DIAPH2: variants seen among roughly 807,000 people sequenced by gnomAD.
The protein encoded by DIAPH2 is diaphanous related formin 2, also known as protein diaphanous homolog 2.
A neutral mutation model predicts 92.7 loss-of-function variants in DIAPH2; 35 were observed. That is an observed-to-expected ratio of 0.38 (90% CI 0.29 to 0.50). The LOEUF is 0.50. DIAPH2 is among the 20% of genes least tolerant of loss of function. The pLI, the probability that DIAPH2 is intolerant of heterozygous loss-of-function variation, is 0.94. For missense variants in DIAPH2, 701 were observed against 819.5 expected, an observed-to-expected ratio of 0.86 and a Z score of 1.77; for synonymous variants, 301 against 280.4, an observed-to-expected ratio of 1.07 and a Z score of -0.73.
intron 23 of DIAPH2, among the ~76,000 whole-genome samples, chrX:97,321,232 C>T (rs1262375479): frequency 1.9e-4 from 21 of 110,879 alleles, no homozygotes; most frequent in Admixed American, 1.7e-3. Flanking sequence ...CTTTATAACA[C>T]GGCTCATTTT....
At chrX:97,404,916 C>T (rs2069794310) in intron 25 of DIAPH2, among the ~76,000 whole-genome samples, 1 of 111,495 alleles carries the variant, frequency 9.0e-6, no homozygotes, top group Non-Finnish European at 1.9e-5. Flanking sequence ...GCAGATATAT[C>T]GATATTCTAG....
chrX:96,941,999 T>C lies in DIAPH2; in HGVS notation c.1326-19T>C. 1.1e-6 allele frequency: 1 copy of C among 925,331 alleles called. No homozygotes were observed. The highest frequency in any genetic ancestry group is 1.6e-6 in the Non-Finnish European group (1 of 640,006). 76.3% of individuals were successfully genotyped at this position (925,331 alleles called of 1,213,427 possible). On this transcript the variant is annotated intron_variant, in intron 12 of 26. Coordinates refer to ENST00000324765, the MANE Select transcript of DIAPH2 (RefSeq NM_006729.5). ...GCATGGTTAGAAAGGCATTCATGAG[T>C]ACTTTCTCTCCTTTTCAGGCCACAA...
chrX:97,511,043 G>GAAGAA (rs2070886959), intron 26 of DIAPH2, among the ~76,000 whole-genome samples: 1 of 106,684 alleles, frequency 9.4e-6, no homozygotes, highest in African/African-American at 3.4e-5. Flanking sequence ...CCAATTCTGT[G>GAAGAA]AAGAAAGTCA....
At chrX:97,331,904 A>G (rs2069005016) in intron 23 of DIAPH2, among the ~76,000 whole-genome samples, 1 of 111,518 alleles carries the variant, frequency 9.0e-6, no homozygotes, top group African/African-American at 3.3e-5. Context: ...AGTCTTTAAT[A>G]AGCAATTGGG....
At chrX:97,346,075 A>G (rs1311428573) in intron 23 of DIAPH2, among the ~76,000 whole-genome samples, 3 of 111,801 alleles carry the variant, frequency 2.7e-5, no homozygotes, top group African/African-American at 6.5e-5. Flanking sequence ...TGTTAAGATC[A>G]TTTATTCCTT....
chrX:96,823,893 A>G (rs1450495829), intron 4 of DIAPH2, among the ~76,000 whole-genome samples: 1 of 109,464 alleles, frequency 9.1e-6, no homozygotes, highest in Non-Finnish European at 1.9e-5. Context: ...GATATTCAAA[A>G]GGACAAGTAT....
At chrX:97,138,152 G>T (rs1250773093) in intron 21 of DIAPH2, among the ~76,000 whole-genome samples, 3 of 111,969 alleles carry the variant, frequency 2.7e-5, no homozygotes, top group African/African-American at 9.7e-5. Flanking sequence ...AGGCTCTCTG[G>T]CTGTGTGCTG....
chrX:97,499,124 T>C (rs1446189724), intron 26 of DIAPH2, among the ~76,000 whole-genome samples: 1 of 112,308 alleles, frequency 8.9e-6, no homozygotes, highest in African/African-American at 3.2e-5. Flanking sequence ...CCTGTATTGA[T>C]TTAAATGACA....
chrX:97,390,055 C>A (rs772458955), intron 25 of DIAPH2, among the ~76,000 whole-genome samples: 145 of 110,197 alleles, frequency 1.3e-3, no homozygotes, highest in African/African-American at 4.4e-3. Context: ...GAACTATAAT[C>A]TTGTAACAGG....
chrX:96,756,885 C>T (rs1343039150), intron 3 of DIAPH2, among the ~76,000 whole-genome samples: 1 of 104,373 alleles, frequency 9.6e-6, no homozygotes, highest in Non-Finnish European at 2.0e-5. Flanking sequence ...AATATCTTTT[C>T]CTGTGCTTAT....
At chrX:97,228,865 C>T (rs1393597617) in intron 22 of DIAPH2, among the ~76,000 whole-genome samples, 3 of 111,940 alleles carry the variant, frequency 2.7e-5, no homozygotes, top group African/African-American at 9.7e-5. Flanking sequence ...GGGATCTATG[C>T]ATGAAATGTG....
chrX:97,396,935 C>T (rs1307715251), intron 25 of DIAPH2, among the ~76,000 whole-genome samples: 2 of 111,689 alleles, frequency 1.8e-5, no homozygotes, highest in Non-Finnish European at 3.8e-5. Flanking sequence ...CACACAGGAC[C>T]GTATGTAGCA....
chrX:96,952,228 G>A (rs1375699931), intron 15 of DIAPH2, among the ~76,000 whole-genome samples: 4 of 111,232 alleles, frequency 3.6e-5, no homozygotes, highest in Non-Finnish European at 5.7e-5. Context: ...CATTCCAGGA[G>A]AGGATGGTTA....
At chrX:97,015,786 TG>T (rs1273771625) in intron 17 of DIAPH2, among the ~76,000 whole-genome samples, 868 of 72,051 alleles carry the variant, frequency 0.012, 11 homozygotes, top group African/African-American at 0.049. Context: ...AGACGCCATC[TG>T]AAAAAAAAAA....
intron 26 of DIAPH2, among the ~76,000 whole-genome samples, chrX:97,480,019 G>A (rs1427343017): frequency 8.9e-6 from 1 of 111,844 alleles, no homozygotes; most frequent in Non-Finnish European, 1.9e-5. Flanking sequence ...TTTAATAATA[G>A]GCTATGAAAG....
chrX:96,891,362 G>A (rs900328344), intron 5 of DIAPH2, among the ~76,000 whole-genome samples: 4 of 111,950 alleles, frequency 3.6e-5, no homozygotes, highest in Non-Finnish European at 7.5e-5. Flanking sequence ...TGCTTTGACC[G>A]TAAAGTAAAT....
rs763410469 is a variant in DIAPH2 at position 97,381,294 on chromosome X, G to A, written c.3010-2615G>A. Among the ~76,000 whole-genome samples, 5 of 110,934 alleles carry A rather than the reference G, an allele frequency of 4.5e-5. No individual in the cohort carries two copies. In the Admixed American group the frequency reaches 4.8e-4, roughly 11 times the overall value. On this transcript the variant is annotated intron_variant, in intron 24 of 26. Coordinates refer to ENST00000324765, the MANE Select transcript of DIAPH2 (RefSeq NM_006729.5). ...TTCAAAATGTGGTTTTGATTTGGGC[G>A]TTTCTTTTTGTAATCATTTCTACTG...
intron 21 of DIAPH2, 130 bp downstream of exon 21, chrX:97,115,095 G>A (rs1333839929): frequency 2.0e-5 from 11 of 538,490 alleles, no homozygotes; most frequent in African/African-American, 4.7e-5. Flanking sequence ...TCTGGGATGC[G>A]AATTATATCT....
chrX:96,957,765 T>C (rs2065821328), intron 15 of DIAPH2, 63 bp from the exon 16 acceptor site: 1 of 805,198 alleles, frequency 1.2e-6, no homozygotes, highest in Non-Finnish European at 1.8e-6. Flanking sequence ...TATTGATATA[T>C]ATTTCTTCAG....
Sources: allele counts gnomAD v4.1 joint callset (sites outside exome capture counted in the v4.1 genomes callset), GRCh38; gene constraint gnomAD v4.1.1; transcripts MANE v1.5; gene names NCBI Gene and HGNC (gene_info 2026-07-23, HGNC 2026-07-21).